ASIC2: variants seen among roughly 807,000 people sequenced by gnomAD.
The protein encoded by ASIC2 is acid sensing ion channel subunit 2.
In ASIC2, 25 loss-of-function variants were observed where a neutral mutation model predicts 57.3. The observed-to-expected ratio is 0.44, with a 90% CI of 0.32 to 0.61. The LOEUF is 0.61. Among genes scored for constraint, ASIC2 ranks in the 20% least tolerant of loss-of-function variants. The pLI is 0.06. For missense variants in ASIC2, 641 were observed against 738.1 expected (o/e 0.87, Z 1.52); for synonymous variants, 319 against 307.5 (o/e 1.04, Z -0.39).
intron 1 of ASIC2, among the ~76,000 whole-genome samples, chr17:33,697,033 C>A (rs1908549439): frequency 1.3e-5 from 2 of 152,120 alleles, no homozygotes; most frequent in South Asian, 2.1e-4. Context: ...ATAGTGAGTT[C>A]TCCTGAGATC....
intron 1 of ASIC2, among the ~76,000 whole-genome samples, chr17:33,578,229 A>C (rs1050419326): frequency 6.6e-6 from 1 of 152,146 alleles, no homozygotes; most frequent in African/African-American, 2.4e-5. Flanking sequence ...AGACGTTCTG[A>C]ATGCCCTTAG....
chr17:33,053,590 T>G lies in ASIC2; in HGVS notation c.988-25198A>C, dbSNP rs537170205. Among the ~76,000 whole-genome samples, 5 of 152,310 alleles carry G rather than the reference T, an allele frequency of 3.3e-5. No individual in the cohort carries two copies. The East Asian group carries it at 9.6e-4, about 29-fold the overall frequency. ...TTGCAAGAGCTTCTTAACTGGCCTT[T>G]GTCTCGTGTATACCCTCCTCCAATC... is the stretch of plus-strand genomic sequence containing the variant. On this transcript the variant is annotated intron_variant, in intron 3 of 9. Transcript: ENST00000225823.
chr17:33,729,888 T>G (rs1224549153), intron 1 of ASIC2, among the ~76,000 whole-genome samples: 1 of 152,216 alleles, frequency 6.6e-6, no homozygotes, highest in Non-Finnish European at 1.5e-5. Context: ...TTCAGCTGGT[T>G]CTTTTCAAAA....
intron 1 of ASIC2, among the ~76,000 whole-genome samples, chr17:33,424,334 T>A (rs1048327333): frequency 6.6e-6 from 1 of 152,148 alleles, no homozygotes; most frequent in Non-Finnish European, 1.5e-5. Flanking sequence ...TTATAAATGG[T>A]CCTTTTGTCT....
intron 3 of ASIC2, among the ~76,000 whole-genome samples, chr17:33,088,582 T>A (rs1199620903): frequency 3.9e-5 from 6 of 152,186 alleles, no homozygotes; most frequent in South Asian, 2.1e-4. Flanking sequence ...AAATTTTTTT[T>A]AAATTAACTT....
At chr17:33,243,218 A>C (rs1229643795) in intron 1 of ASIC2, among the ~76,000 whole-genome samples, 1 of 152,260 alleles carries the variant, frequency 6.6e-6, no homozygotes, top group African/African-American at 2.4e-5. Context: ...TATTAGAATA[A>C]GTGTAACTAG....
At chr17:33,891,357 C>G (rs992815107) in intron 1 of ASIC2, among the ~76,000 whole-genome samples, 6 of 152,098 alleles carry the variant, frequency 3.9e-5, no homozygotes, top group Admixed American at 3.9e-4. Flanking sequence ...TCAAAAGAAG[C>G]AAGCTTAGAT....
At chr17:33,651,464 C>T (rs113695904) in intron 1 of ASIC2, among the ~76,000 whole-genome samples, 8 of 152,170 alleles carry the variant, frequency 5.3e-5, no homozygotes, top group Non-Finnish European at 8.8e-5. Context: ...TGTCGCCACT[C>T]GTCTGGATGT....
intron 1 of ASIC2, among the ~76,000 whole-genome samples, chr17:33,396,896 G>C (rs1338850459): frequency 6.6e-6 from 1 of 152,178 alleles, no homozygotes; most frequent in African/African-American, 2.4e-5. Context: ...CTCTCATCCT[G>C]AATAACTAGA....
At chr17:33,156,562 C>G (rs940328886) in intron 1 of ASIC2, among the ~76,000 whole-genome samples, 1 of 151,794 alleles carries the variant, frequency 6.6e-6, no homozygotes, top group Non-Finnish European at 1.5e-5. Context: ...TTGAGACCAG[C>G]CTGACCAACA....
At chr17:33,406,086 G>A (rs898442674) in intron 1 of ASIC2, among the ~76,000 whole-genome samples, 5 of 152,126 alleles carry the variant, frequency 3.3e-5, no homozygotes, top group Non-Finnish European at 7.3e-5. Context: ...CCAACCTGGT[G>A]TTTTCCACTC....
intron 1 of ASIC2, among the ~76,000 whole-genome samples, chr17:34,086,843 C>T (rs1176881238): frequency 6.6e-6 from 1 of 152,172 alleles, no homozygotes; most frequent in Admixed American, 6.5e-5. Context: ...TCTGTTTTAT[C>T]AGAGACTAGG....
intron 1 of ASIC2, among the ~76,000 whole-genome samples, chr17:34,095,108 A>T (rs1024984511): frequency 9.2e-5 from 14 of 152,192 alleles, no homozygotes; most frequent in Non-Finnish European, 1.9e-4. Context: ...AAACAGGATG[A>T]TCTCTTGAGT....
intron 1 of ASIC2, among the ~76,000 whole-genome samples, chr17:33,339,732 A>G (rs1257541193): frequency 2.6e-5 from 4 of 152,168 alleles, no homozygotes; most frequent in African/African-American, 9.7e-5. Flanking sequence ...TGCACAAACC[A>G]AAGGCTGTGA....
intron 1 of ASIC2, among the ~76,000 whole-genome samples, chr17:34,062,118 T>C (rs62058984): frequency 6.6e-6 from 1 of 152,082 alleles, no homozygotes; most frequent in African/African-American, 2.4e-5. Flanking sequence ...GACCATATAA[T>C]AGGACATAAA....
chr17:33,301,284 T>G (rs142877179), intron 1 of ASIC2, among the ~76,000 whole-genome samples: 66 of 151,918 alleles, frequency 4.3e-4, no homozygotes, highest in African/African-American at 1.6e-3. Flanking sequence ...CAAACAATCC[T>G]CCTGCCTCGA....
intron 1 of ASIC2, among the ~76,000 whole-genome samples, chr17:33,278,489 GAA>G (rs10566355): frequency 0.36 from 51,404 of 144,374 alleles, 8,840 homozygotes; most frequent in Admixed American, 0.43. Context: ...CCCTGTATCA[GAA>G]AAAAAAAAAA....
intron 1 of ASIC2, among the ~76,000 whole-genome samples, chr17:33,544,482 T>A (rs1915518535): frequency 6.6e-6 from 1 of 152,194 alleles, no homozygotes; most frequent in African/African-American, 2.4e-5. Flanking sequence ...TTCTAAACTT[T>A]CTGTACCTTT....
At chr17:33,034,525 C>T (rs935214436) in intron 3 of ASIC2, among the ~76,000 whole-genome samples, 3 of 152,092 alleles carry the variant, frequency 2.0e-5, no homozygotes, top group Non-Finnish European at 4.4e-5. Context: ...AACAAACACC[C>T]AAAACCAACT....
Sources: gnomAD v4.1 joint callset for allele counts (sites outside exome capture counted in the v4.1 genomes callset) on GRCh38, gnomAD v4.1.1 for gene constraint, MANE v1.5 for transcripts, NCBI Gene and HGNC (gene_info 2026-07-23, HGNC 2026-07-21) for gene names.